DMBX1: variants seen among roughly 807,000 people sequenced by gnomAD.
DMBX1 encodes the protein diencephalon/mesencephalon homeobox protein 1.
In DMBX1, 7 loss-of-function variants were observed where a neutral mutation model predicts 30.4. That is an observed-to-expected ratio of 0.23 (90% CI 0.13 to 0.43). The LOEUF is 0.43. Ranked by LOEUF, DMBX1 falls within the 20% of genes least tolerant of loss-of-function variation. DMBX1 has a pLI of 1.00. For missense variants in DMBX1, 460 were observed against 508.5 expected (o/e 0.90, Z 0.92); for synonymous variants, 222 against 214.2 (o/e 1.04, Z -0.32).
chr1:46,501,859 A>G (rs912078758), intron 2 of DMBX1, among the ~76,000 whole-genome samples: 4 of 152,088 alleles, frequency 2.6e-5, no homozygotes, highest in African/African-American at 9.7e-5. Flanking sequence ...TGTATATATC[A>G]TGGATATTCC....
chr1:46,511,089 C>G lies in DMBX1; in HGVS notation c.488C>G (p.Pro163Arg), dbSNP rs753300142. ...PDTQLDTEQP[P>R]RLPGSDPPAE... is the part of the protein sequence containing the mutation. ...ACCCAGCTGGACACTGAGCAGCCCC[C>G]ACGTCTGCCTGGCAGCGACCCCCCT... The change falls in exon 5 of 6, where the codon CCA becomes CGA. Residue 163 changes from proline to arginine, a missense_variant. This residue lies in a region of DMBX1 where 334 missense variants were observed against 345.1 expected (regional missense o/e 0.97). Transcript: ENST00000360032. 1.2e-6 allele frequency: 2 copies of G among 1,614,148 alleles called. No individual in the cohort carries two copies. Among genetic ancestry groups the G allele is most frequent in the Non-Finnish European group, 1.7e-6 (2 of 1,180,018 alleles).
chr1:46,511,020 A>G lies in DMBX1; in HGVS notation c.419A>G (p.Glu140Gly). ...KEQLQKQKEA[E>G]GSHGEGKAEA... is the part of the protein sequence containing the mutation. ...CAGCTCCAGAAGCAGAAGGAGGCTG[A>G]GGGCTCCCATGGGGAAGGCAAGGCC... Residue 140 changes from glutamate (E) to glycine (G), a missense_variant, in exon 5 of 6, where the codon GAG becomes GGG. This residue lies in a region of DMBX1 where 334 missense variants were observed against 345.1 expected (regional missense o/e 0.97). Coordinates refer to ENST00000360032, the MANE Select transcript of DMBX1 (RefSeq NM_172225.2). The G allele has an allele frequency of 6.2e-7, 1 of 1,614,114 alleles. No individual in the cohort carries two copies. Among genetic ancestry groups the G allele is most frequent in the Non-Finnish European group, 8.5e-7 (1 of 1,180,002 alleles).
At chr1:46,505,794 A>G (rs1557787765) in intron 2 of DMBX1, among the ~76,000 whole-genome samples, 1 of 152,038 alleles carries the variant, frequency 6.6e-6, no homozygotes, top group Non-Finnish European at 1.5e-5. Context: ...TTAAAAAAAA[A>G]AAAAAGAAAG....
intron 2 of DMBX1, among the ~76,000 whole-genome samples, chr1:46,506,079 A>T (rs1666230252): frequency 1.1e-5 from 1 of 88,986 alleles, no homozygotes; most frequent in Admixed American, 1.0e-4. Context: ...ATTTTTGGAG[A>T]CAGGGTCTCG....
In DMBX1 at chr1:46,513,694, C is replaced by T. The variant is rs754494826; in HGVS notation, c.*1200C>T. The stretch of plus-strand genomic sequence containing the variant: ...TCTTCTCCCACAAGCTGAGCCTCCA[C>T]GTTCAGCAGATACTGTCCAAGGCAG... On this transcript the variant is annotated 3_prime_UTR_variant, in exon 6 of 6. Coordinates refer to ENST00000360032, the MANE Select transcript of DMBX1 (RefSeq NM_172225.2). 3 of 152,294 alleles carry T rather than the reference C, an allele frequency of 2.0e-5. No individual in the cohort carries two copies. Among genetic ancestry groups the T allele is most frequent in the Admixed American group, 6.5e-5 (1 of 15,280 alleles). 9.4% of individuals were successfully genotyped at this position (152,294 alleles called of 1,614,324 possible). A position where few individuals can be genotyped will look rare whatever the true frequency, so the allele number is the denominator to read the frequency against.
rs895767818 is a variant in DMBX1, at chr1:46,491,163, A to G, written c.-13+380A>G. On this transcript the variant is annotated intron_variant, in intron 2 of 5. Coordinates refer to ENST00000360032, the MANE Select transcript of DMBX1 (RefSeq NM_172225.2). The surrounding 1 kb of genome is among the most constrained non-coding windows in gnomAD (Gnocchi z 5.5). Reference sequence around the variant, plus strand: ...CTTGAGGGAAACCTCCTCTTCCCCAAATTCGCACCAAATCTGGGGCCCCGA... The same window carrying G: ...CTTGAGGGAAACCTCCTCTTCCCCAGATTCGCACCAAATCTGGGGCCCCGA... Among the ~76,000 whole-genome samples the G allele has an allele frequency of 6.6e-6, 1 of 152,114 alleles. No homozygotes were observed. Among genetic ancestry groups the G allele is most frequent in the Non-Finnish European group, 1.5e-5 (1 of 68,014 alleles).
Position 46,514,732 on chromosome 1 carries a change from A to G in DMBX1, c.*2238A>G, listed in dbSNP as rs1180875747. 1.3e-5 allele frequency among the ~76,000 whole-genome samples: 2 copies of G among 152,124 alleles called. No individual in the cohort carries two copies. Among genetic ancestry groups the G allele is most frequent in the Admixed American group, 1.3e-4 (2 of 15,272 alleles). On this transcript the variant is annotated 3_prime_UTR_variant, in exon 6 of 6. Transcript: ENST00000360032. ...TCTGAAAGCCAGGGTAAAGATTGCT[A>G]AGGCTTGTCTCCTCTCCCAGTGGGA...
chr1:46,504,368 A>G (rs879892051), intron 2 of DMBX1, among the ~76,000 whole-genome samples: 592 of 110,782 alleles, frequency 5.3e-3, no homozygotes, highest in Admixed American at 8.3e-3. Flanking sequence ...TAAGTCTTTA[A>G]TCCATCTTGA....
chr1:46,497,460 GT>G (rs1666045098), intron 2 of DMBX1, among the ~76,000 whole-genome samples: 2 of 152,042 alleles, frequency 1.3e-5, no homozygotes, highest in Admixed American at 6.5e-5. Context: ...TCTAAGTAAA[GT>G]TTTTCTGCCT....
intron 2 of DMBX1, among the ~76,000 whole-genome samples, chr1:46,492,100 G>A (rs948122354): frequency 6.6e-6 from 1 of 152,184 alleles, no homozygotes. Flanking sequence ...CCCAGACCCC[G>A]AATGGAATGC....
At chr1:46,502,402 A>G (rs977161948) in intron 2 of DMBX1, among the ~76,000 whole-genome samples, 1 of 150,994 alleles carries the variant, frequency 6.6e-6, no homozygotes, top group African/African-American at 2.4e-5. Flanking sequence ...TAACTAAGCT[A>G]TCAGCAATCA....
chr1:46,512,275 C>G lies in DMBX1; in HGVS notation c.915C>G (p.Ala305=). ...AAVPYLGVNM[A]PLGSLHCQSY... Reference sequence around the variant, plus strand: ...TGCCCTACCTGGGCGTCAACATGGCCCCGCTGGGCTCACTGCACTGCCAGT... The same window carrying G: ...TGCCCTACCTGGGCGTCAACATGGCGCCGCTGGGCTCACTGCACTGCCAGT... Residue 305 remains alanine (A), a synonymous_variant, in exon 6 of 6, where the codon GCC becomes GCG. Coordinates refer to ENST00000360032, the MANE Select transcript of DMBX1 (RefSeq NM_172225.2). The surrounding 1 kb of genome is among the most constrained non-coding windows in gnomAD (Gnocchi z 4.8). 1 of 1,613,552 alleles carries G rather than the reference C, an allele frequency of 6.2e-7. No homozygotes were observed. Among genetic ancestry groups the G allele is most frequent in the African/African-American group, 1.3e-5 (1 of 75,018 alleles).
In DMBX1 at chr1:46,491,595, C is replaced by T. The variant is rs1665930129; in HGVS notation, c.-13+812C>T. ...GCCGAGGAAATTGTGCAAGTTCCTA[C>T]CTGGCTGTGGCGATGGCAGGGCGAC... is the stretch of plus-strand genomic sequence containing the variant. On this transcript the variant is annotated intron_variant, in intron 2 of 5. Transcript: ENST00000360032. The surrounding 1 kb of genome is among the most constrained non-coding windows in gnomAD (Gnocchi z 5.5). Among the ~76,000 whole-genome samples the T allele has an allele frequency of 6.6e-6, 1 of 152,214 alleles. No individual in the cohort carries two copies. The highest frequency in any genetic ancestry group is 2.4e-5 in the African/African-American group (1 of 41,442).
At chr1:46,494,414 G>A (rs1464665436) in intron 2 of DMBX1, among the ~76,000 whole-genome samples, 1 of 152,210 alleles carries the variant, frequency 6.6e-6, no homozygotes, top group East Asian at 1.9e-4. Context: ...CCTCAGTCTC[G>A]GCCCATTAGC....
chr1:46,492,053 G>A (rs1303414531), intron 2 of DMBX1, among the ~76,000 whole-genome samples: 1 of 152,208 alleles, frequency 6.6e-6, no homozygotes, highest in Non-Finnish European at 1.5e-5. Context: ...CAGTATTTGG[G>A]GGCGCCTACT....
chr1:46,492,639 A>G (rs1204126353), intron 2 of DMBX1, among the ~76,000 whole-genome samples: 1 of 152,146 alleles, frequency 6.6e-6, no homozygotes, highest in Non-Finnish European at 1.5e-5. Flanking sequence ...GTGCGCACAC[A>G]TATTTGCCAG....
rs539611267 is a variant in DMBX1, at chr1:46,493,404, G to A, written c.-13+2621G>A. On this transcript the variant is annotated intron_variant, in intron 2 of 5. Coordinates refer to ENST00000360032, the MANE Select transcript of DMBX1 (RefSeq NM_172225.2). The surrounding 1 kb of genome is among the most constrained non-coding windows in gnomAD (Gnocchi z 4.1). ...ATGTCCAGCCCTCCCGCCGTTCAGT[G>A]GCCTCTCTTTCTATTTAGTCACCTG... Among the ~76,000 whole-genome samples the A allele has an allele frequency of 4.6e-5, 7 of 152,190 alleles. No homozygotes were observed. The highest frequency in any genetic ancestry group is 1.0e-4 in the Non-Finnish European group (7 of 68,038).
rs1666474781 is a variant in DMBX1, at chr1:46,515,593, C to A, written c.*3099C>A. Among the ~76,000 whole-genome samples, 1 of 152,244 alleles carries A rather than the reference C, an allele frequency of 6.6e-6. No individual in the cohort carries two copies. The highest frequency in any genetic ancestry group is 1.5e-5 in the Non-Finnish European group (1 of 68,040). ...AGGGCTCTCAAGTTTAGGGCACCAG[C>A]CTTGGGTACTGAAAGCAGCTGGAGA... On this transcript the variant is annotated 3_prime_UTR_variant, in exon 6 of 6. Coordinates refer to ENST00000360032, the MANE Select transcript of DMBX1 (RefSeq NM_172225.2).
At chr1:46,507,909 CA>C (rs1289108834) in intron 3 of DMBX1, among the ~76,000 whole-genome samples, 3 of 151,938 alleles carry the variant, frequency 2.0e-5, no homozygotes, top group Non-Finnish European at 4.4e-5. Flanking sequence ...AAGCATTCAG[CA>C]GAGCCTGGTA....
Sources: gnomAD v4.1 joint callset for allele counts (sites outside exome capture counted in the v4.1 genomes callset) on GRCh38, gnomAD v4.1.1 for gene constraint, gnomAD v4.1.1 regional missense constraint, Gnocchi (gnomAD v3.1) non-coding constraint, MANE v1.5 for transcripts, NCBI Gene and HGNC (gene_info 2026-07-23, HGNC 2026-07-21) for gene names.